The following WDR26 variants were observed in gnomAD, a reference collection of about 807,000 sequenced individuals.
WDR26 encodes WD repeat domain 26.
A neutral mutation model predicts 84.1 loss-of-function variants in WDR26; 5 were observed. The observed-to-expected ratio is 0.06, with a 90% confidence interval of 0.03 to 0.13. WDR26 has a LOEUF of 0.13. Ranked by LOEUF, WDR26 falls within the 10% of genes least tolerant of loss-of-function variation. The probability of loss-of-function intolerance (pLI) is 1.00; values close to 1 mark genes in which losing one functional copy is unlikely to be tolerated. For synonymous variants in WDR26, 415 were observed against 389.6 expected (o/e 1.07, Z -0.77); for missense variants, 642 against 974.9 (o/e 0.66, Z 4.55).
chr1:224,423,866 A>G (rs777035153), intron 4 of WDR26, among the ~76,000 whole-genome samples: 1 of 152,214 alleles, frequency 6.6e-6, no homozygotes, highest in African/African-American at 2.4e-5. Context: ...ATAGAATGAG[A>G]TTACCTAAAA....
chr1:224,434,059 C>T lies in WDR26; in HGVS notation c.347G>A (p.Gly116Asp), dbSNP rs964228171. The change falls in exon 1 of 14, where the codon GGC (glycine) becomes GAC (aspartate). Residue 116 changes from glycine to aspartate, a missense_variant. Transcript: ENST00000414423. Reference sequence around the variant, plus strand: ...CCCGCCGCCCCCTCCTCCTCCACCGCCGCCGCCGCCACCTCCTCCTCCTCC... The same window carrying T: ...CCCGCCGCCCCCTCCTCCTCCACCGTCGCCGCCGCCACCTCCTCCTCCTCC... 25 of 1,450,740 alleles carry T rather than the reference C, an allele frequency of 1.7e-5. No individual in the cohort carries two copies. Among genetic ancestry groups the T allele is most frequent in the Admixed American group, 1.3e-4 (5 of 37,260 alleles). 89.9% of individuals were successfully genotyped at this position (1,450,740 alleles called of 1,614,324 possible).
rs767329594 is a variant in WDR26, at chr1:224,419,576, T to C, written c.1104A>G (p.Lys368=). The change falls in exon 5 of 14, where the codon AAA becomes AAG. Residue 368 remains lysine (K), a synonymous_variant. Transcript: ENST00000414423. ...CTGTCCCTTTGCCTTCCCATTCTGC[T>C]TTTGCACGTAGGTCTTCTGCATGGC... The C allele has an allele frequency of 1.4e-5, 22 of 1,613,996 alleles. No individual in the cohort carries two copies. Among genetic ancestry groups the C allele is most frequent in the Non-Finnish European group, 1.8e-5 (21 of 1,179,992 alleles).
In WDR26 at chr1:224,407,498, T is replaced by TAC. The variant is rs1673615438; in HGVS notation, c.1459-2929_1459-2928insGT. ...CGTTCAAAAAGGGCATATATATATA[T>TAC]ATACATATATAAATTTTTTTTTTTT... is the stretch of plus-strand genomic sequence containing the variant. On this transcript the variant is annotated intron_variant, in intron 7 of 13. Transcript: ENST00000414423. Among the ~76,000 whole-genome samples the TAC allele has an allele frequency of 2.0e-5, 3 of 149,110 alleles. No homozygotes were observed. In the South Asian group the frequency reaches 6.3e-4, roughly 31 times the overall value.
intron 3 of WDR26, chr1:224,430,089 T>C (rs1674341613): frequency 6.6e-6 from 1 of 152,156 alleles, no homozygotes; most frequent in Non-Finnish European, 1.5e-5. Context: ...TTTTAGCTCA[T>C]TCAGTCAGAA....
chr1:224,399,193 T>C (rs550693829), intron 9 of WDR26, among the ~76,000 whole-genome samples, 159 bp from the exon 10 acceptor site: 2 of 152,158 alleles, frequency 1.3e-5, no homozygotes, highest in Non-Finnish European at 2.9e-5. Flanking sequence ...TTTTTAACCA[T>C]GAAAATTTGA....
At chr1:224,431,295 T>C in intron 3 of WDR26, 182 bp downstream of exon 3, 1 of 530,256 alleles carries the variant, frequency 1.9e-6, no homozygotes, top group Non-Finnish European at 3.4e-6. Context: ...ACACATTTAC[T>C]AAGTATGATT....
At chr1:224,433,615 T>TCCCCC in intron 1 of WDR26, 69 bp downstream of exon 1, 5 of 368,586 alleles carry the variant, frequency 1.4e-5, no homozygotes, top group South Asian at 1.1e-4. Flanking sequence ...CCTCCGCCCC[T>TCCCCC]TCCCCTACCC....
At chr1:224,413,267 TG>T in intron 6 of WDR26, 1 of 1,219,626 alleles carries the variant, frequency 8.2e-7, no homozygotes, top group Non-Finnish European at 1.0e-6. Flanking sequence ...AAGTGTATCT[TG>T]AAACACGGTC....
chr1:224,429,038 C>G (rs974484861), intron 3 of WDR26, among the ~76,000 whole-genome samples: 4 of 151,756 alleles, frequency 2.6e-5, no homozygotes, highest in Non-Finnish European at 5.9e-5. Context: ...CTGGGGCGGG[C>G]GGATCACAAG....
At chr1:224,410,675 A>G (rs1558429304) in intron 7 of WDR26, among the ~76,000 whole-genome samples, 1 of 149,518 alleles carries the variant, frequency 6.7e-6, no homozygotes, top group African/African-American at 2.5e-5. Flanking sequence ...CAGAATGGAC[A>G]TTGTATTAAT....
rs1673969092 is a variant in WDR26 at position 224,418,465 on chromosome 1, CTTTT to C, written c.1163-53_1163-50del. ...AAGAGAAATAATAATAAACTGTAAA[CTTTT>C]ATTTAAGACATTTGCTCATCTTCTG... On this transcript the variant is annotated intron_variant, in intron 5 of 13. Transcript: ENST00000414423. 2.0e-6 allele frequency: 3 copies of C among 1,506,122 alleles called. No homozygotes were observed. The African/African-American group carries it at 4.2e-5, about 21-fold the overall frequency. The allele number at this position is 1,506,122 out of a possible 1,614,324, so 93.3% of individuals were successfully genotyped here.
At position 224,388,582 on chromosome 1, in the gene WDR26, C is replaced by A. The variant is rs1445156307; in HGVS notation, c.*1253G>T. On this transcript the variant is annotated 3_prime_UTR_variant, in exon 14 of 14. Coordinates refer to ENST00000414423, the MANE Select transcript of WDR26 (RefSeq NM_001379403.1). ...CACAGCACCAGTTTAGAATGAGGTTCAGTATGGCAATATCTGAAAAAACTG... is the reference window on the plus strand; with the variant it reads ...CACAGCACCAGTTTAGAATGAGGTTAAGTATGGCAATATCTGAAAAAACTG... 1 of 152,418 alleles carries A rather than the reference C, an allele frequency of 6.6e-6. No homozygotes were observed. The highest frequency in any genetic ancestry group is 1.5e-5 in the Non-Finnish European group (1 of 68,010). The allele number at this position is 152,418 out of a possible 1,614,324, so 9.4% of individuals were successfully genotyped here. A position where few individuals can be genotyped will look rare whatever the true frequency, so the allele number is the denominator to read the frequency against.
intron 4 of WDR26, among the ~76,000 whole-genome samples, chr1:224,420,761 T>C (rs183449377): frequency 6.6e-6 from 1 of 152,142 alleles, no homozygotes; most frequent in Non-Finnish European, 1.5e-5. Context: ...AGTTAGCTAT[T>C]GTGTTTTTTT....
chr1:224,405,903 A>G (rs1243613125), intron 7 of WDR26, among the ~76,000 whole-genome samples: 3 of 152,214 alleles, frequency 2.0e-5, no homozygotes, highest in Non-Finnish European at 4.4e-5. Flanking sequence ...TGGCTTTAGG[A>G]AGAGAACTAG....
chr1:224,419,518 T>G lies in WDR26; in HGVS notation c.1162A>C (p.Thr388Pro). The stretch of plus-strand genomic sequence containing the variant: ...CAACATAAAAAATTAAGACTCTTAC[T>G]CTGAAGTTTATCCAATAGTTTAGAT... Residue 388 changes from threonine to proline, a missense_variant and splice_region_variant, in exon 5 of 14, where the codon ACC becomes CCC. By Grantham distance (38) the Thr-to-Pro change is conservative. Coordinates refer to ENST00000414423, the MANE Select transcript of WDR26 (RefSeq NM_001379403.1). 6.2e-7 allele frequency: 1 copy of G among 1,612,508 alleles called. No individual in the cohort carries two copies. The highest frequency in any genetic ancestry group is 8.5e-7 in the Non-Finnish European group (1 of 1,178,526).
chr1:224,404,963 T>C (rs1673513025), intron 7 of WDR26, among the ~76,000 whole-genome samples: 1 of 152,202 alleles, frequency 6.6e-6, no homozygotes, highest in Non-Finnish European at 1.5e-5. Flanking sequence ...ATAAAATTCA[T>C]CCTTTTAAAG....
At chr1:224,426,147 C>T (rs565161419) in intron 3 of WDR26, among the ~76,000 whole-genome samples, 13 of 152,088 alleles carry the variant, frequency 8.5e-5, no homozygotes, top group Non-Finnish European at 1.8e-4. Context: ...CATGAGACAC[C>T]GCACCCGGCC....
chr1:224,415,908 C>G (rs533657595), intron 6 of WDR26, among the ~76,000 whole-genome samples: 1 of 152,182 alleles, frequency 6.6e-6, no homozygotes, highest in Admixed American at 6.5e-5. Context: ...AAGATATAGG[C>G]TGGAAAATAT....
At chr1:224,404,976 T>C (rs1051206525) in intron 7 of WDR26, among the ~76,000 whole-genome samples, 2 of 152,242 alleles carry the variant, frequency 1.3e-5, no homozygotes, top group Non-Finnish European at 2.9e-5. Context: ...TTTTAAAGTA[T>C]ACAACTCAGT....
Sources: gnomAD v4.1 joint callset for allele counts (sites outside exome capture counted in the v4.1 genomes callset) on GRCh38, gnomAD v4.1.1 for gene constraint, MANE v1.5 for transcripts, NCBI Gene and HGNC (gene_info 2026-07-23, HGNC 2026-07-21) for gene names.